PHC2: variants seen among roughly 807,000 people sequenced by gnomAD.
The protein encoded by PHC2 is polyhomeotic-like protein 2.
PHC2 carries 29 observed loss-of-function variants against 87.4 expected under a neutral mutation model. The ratio of observed to expected loss-of-function variants is 0.33; its 90% CI spans 0.25 to 0.45. The LOEUF is 0.45. Ranked by LOEUF, PHC2 falls within the 20% of genes least tolerant of loss-of-function variation. The pLI is 1.00. For missense variants in PHC2, 857 were observed against 1,136.7 expected (o/e 0.75, Z 3.54); for synonymous variants, 438 against 461.7 (o/e 0.95, Z 0.66).
In PHC2 at chr1:33,375,349, A is replaced by C; in HGVS notation, c.174+17T>G. On this transcript the variant is annotated intron_variant, in intron 2 of 14. Coordinates refer to ENST00000683057, the MANE Select transcript of PHC2 (RefSeq NM_001385109.1). The stretch of plus-strand genomic sequence containing the variant: ...GATGATTAAGGAGTATAATTCCCAG[A>C]TCAATTAGACTCTTACCTGCACGGT... The C allele has an allele frequency of 6.6e-7, 1 of 1,520,266 alleles. No individual in the cohort carries two copies. The highest frequency in any genetic ancestry group is 8.9e-7 in the Non-Finnish European group (1 of 1,127,548). 94.2% of individuals were successfully genotyped at this position (1,520,266 alleles called of 1,614,324 possible).
At chr1:33,419,252 A>G (rs1650330455) in intron 1 of PHC2, among the ~76,000 whole-genome samples, 1 of 152,210 alleles carries the variant, frequency 6.6e-6, no homozygotes, top group African/African-American at 2.4e-5. Context: ...TCTCAAAATG[A>G]GCTAAGCAGT....
chr1:33,349,158 C>G lies in PHC2; in HGVS notation c.1558+5243G>C. The stretch of plus-strand genomic sequence containing the variant: ...CAATTAAAAACCTCGTGAGACTGAA[C>G]TAGATTAAAAACAAAACTCTCCAGC... On this transcript the variant is annotated intron_variant, in intron 9 of 14. Transcript: ENST00000683057. The surrounding 1 kb of genome is among the most constrained non-coding windows in gnomAD (Gnocchi z 4.2). The G allele has an allele frequency of 3.0e-6, 3 of 985,436 alleles. No homozygotes were observed. The highest frequency in any genetic ancestry group is 9.4e-5 in the South Asian group (2 of 21,286). 61.0% of individuals were successfully genotyped at this position (985,436 alleles called of 1,614,324 possible). A position where few individuals can be genotyped will look rare whatever the true frequency, so the allele number is the denominator to read the frequency against.
intron 9 of PHC2, among the ~76,000 whole-genome samples, chr1:33,335,901 G>C (rs552444138): frequency 4.1e-4 from 59 of 144,430 alleles, no homozygotes; most frequent in African/African-American, 8.0e-4. Flanking sequence ...CTCTATCTTG[G>C]GGGGGGAGGG....
chr1:33,327,278 T>C (rs1646391996), intron 14 of PHC2, among the ~76,000 whole-genome samples: 2 of 152,184 alleles, frequency 1.3e-5, no homozygotes, highest in African/African-American at 4.8e-5. Flanking sequence ...AGCCTCTCTC[T>C]CTAGTTCTCA....
intron 12 of PHC2, 148 bp from the exon 13 acceptor site, chr1:33,330,360 C>T (rs1224713531): frequency 1.2e-6 from 1 of 831,462 alleles, no homozygotes; most frequent in East Asian, 2.6e-5. Flanking sequence ...AGCTGTGTGA[C>T]TTTGGGTTTA....
At chr1:33,350,859 C>G (rs1351482844) in intron 9 of PHC2, among the ~76,000 whole-genome samples, 1 of 148,386 alleles carries the variant, frequency 6.7e-6, no homozygotes, top group East Asian at 1.9e-4. Flanking sequence ...TTTCCTTCTC[C>G]TCTGCCTCTG....
At chr1:33,346,873 A>AGG in intron 9 of PHC2, 1 of 985,470 alleles carries the variant, frequency 1.0e-6, no homozygotes, top group Non-Finnish European at 1.2e-6. Flanking sequence ...GCACACCAGT[A>AGG]GGGGTTCCTA....
At chr1:33,340,400 C>T (rs778602136) in intron 9 of PHC2, among the ~76,000 whole-genome samples, 25 of 152,298 alleles carry the variant, frequency 1.6e-4, no homozygotes, top group Non-Finnish European at 2.8e-4. Context: ...GCAGGGTTCC[C>T]AAGGAACCAT....
intron 1 of PHC2, among the ~76,000 whole-genome samples, chr1:33,405,751 C>T (rs983599569): frequency 1.1e-4 from 17 of 152,114 alleles, no homozygotes; most frequent in African/African-American, 4.1e-4. Flanking sequence ...CTAATTTCCA[C>T]TGTGATGGAT....
At chr1:33,379,161 A>G (rs1459934002) in intron 1 of PHC2, among the ~76,000 whole-genome samples, 1 of 151,704 alleles carries the variant, frequency 6.6e-6, no homozygotes. Context: ...CAGGGGAGAG[A>G]GACTTACTGC....
rs531608714 is a variant in PHC2 at position 33,382,946 on chromosome 1, T to C, written c.-54-7353A>G. ...CTGGGGTAAGGCAGGGTGAGGTTTT[T>C]CCTAATGGAATCAGAGCTGGGCAGG... On this transcript the variant is annotated intron_variant, in intron 1 of 14. Transcript: ENST00000683057. The surrounding 1 kb of genome is among the most constrained non-coding windows in gnomAD (Gnocchi z 4.3). Among the ~76,000 whole-genome samples the C allele has an allele frequency of 6.6e-6, 1 of 152,280 alleles. No homozygotes were observed. The highest frequency in any genetic ancestry group is 2.4e-5 in the African/African-American group (1 of 41,550).
intron 1 of PHC2, among the ~76,000 whole-genome samples, chr1:33,411,610 G>A (rs1039569408): frequency 1.3e-5 from 2 of 152,056 alleles, no homozygotes; most frequent in African/African-American, 4.8e-5. Flanking sequence ...CACCAGGCTG[G>A]AGTGCAGTGG....
At chr1:33,327,971 A>G (rs1171184977) in intron 14 of PHC2, among the ~76,000 whole-genome samples, 2 of 152,228 alleles carry the variant, frequency 1.3e-5, no homozygotes, top group Non-Finnish European at 2.9e-5. Flanking sequence ...GGATGAAGAG[A>G]TAACATACTA....
intron 1 of PHC2, among the ~76,000 whole-genome samples, chr1:33,387,133 C>T (rs1334880669): frequency 6.6e-6 from 1 of 152,178 alleles, no homozygotes; most frequent in East Asian, 1.9e-4. Context: ...CTTCCTCCAC[C>T]CCTGAAATCG....
chr1:33,413,403 C>A (rs1343952265), intron 1 of PHC2, among the ~76,000 whole-genome samples: 1 of 152,216 alleles, frequency 6.6e-6, no homozygotes, highest in Non-Finnish European at 1.5e-5. Flanking sequence ...AGCCAGTCCA[C>A]TGACACTGGA....
At chr1:33,394,512 A>G (rs947857373) in intron 1 of PHC2, among the ~76,000 whole-genome samples, 1 of 152,190 alleles carries the variant, frequency 6.6e-6, no homozygotes, top group African/African-American at 2.4e-5. Flanking sequence ...ACTCCTGATC[A>G]ACTAATTAAC....
chr1:33,385,435 T>C (rs190073036), intron 1 of PHC2, among the ~76,000 whole-genome samples: 113 of 152,334 alleles, frequency 7.4e-4, no homozygotes, highest in Admixed American at 1.7e-3. Context: ...CATACAGGAA[T>C]GCAACCCTGG....
At chr1:33,395,599 T>C (rs1649261572) in intron 1 of PHC2, among the ~76,000 whole-genome samples, 1 of 152,146 alleles carries the variant, frequency 6.6e-6, no homozygotes, top group Non-Finnish European at 1.5e-5. Flanking sequence ...GGATGGACAG[T>C]TGGACAGATA....
chr1:33,414,482 C>T (rs1650123129), intron 1 of PHC2, among the ~76,000 whole-genome samples: 1 of 152,084 alleles, frequency 6.6e-6, no homozygotes, highest in South Asian at 2.1e-4. Flanking sequence ...GGATGTTTAT[C>T]AAAGCAAACA....
Sources: gnomAD v4.1 joint callset for allele counts (sites outside exome capture counted in the v4.1 genomes callset) on GRCh38, gnomAD v4.1.1 for gene constraint, Gnocchi (gnomAD v3.1) non-coding constraint, MANE v1.5 for transcripts, NCBI Gene and HGNC (gene_info 2026-07-23, HGNC 2026-07-21) for gene names.